The following PRR16 variants were observed in gnomAD, a reference collection of about 807,000 sequenced individuals.
PRR16 encodes proline rich 16, also known as protein Largen.
A neutral mutation model predicts 18.2 loss-of-function variants in PRR16; 6 were observed. That is an observed-to-expected ratio of 0.33 (90% CI 0.18 to 0.65). The LOEUF (loss-of-function observed/expected upper bound fraction) is 0.65, where lower values mean the gene tolerates loss of function less well. PRR16 is among the 30% of genes least tolerant of loss of function. The pLI, the probability that PRR16 is intolerant of heterozygous loss-of-function variation, is 0.74. For synonymous variants in PRR16, 151 were observed against 147.8 expected, an observed-to-expected ratio of 1.02 and a Z score of -0.16; for missense variants, 412 against 376.6, an observed-to-expected ratio of 1.09 and a Z score of -0.78.
the PRR16 span, among the ~76,000 whole-genome samples, chr5:120,702,968 C>T: frequency 2.6e-5 from 4 of 152,190 alleles, no homozygotes; most frequent in South Asian, 2.1e-4. Context: ...ATTTCATGCA[C>T]GTCCGTGTGA....
chr5:120,530,123 T>C (rs1751495250), intron 1 of PRR16, among the ~76,000 whole-genome samples: 1 of 149,180 alleles, frequency 6.7e-6, no homozygotes, highest in South Asian at 2.1e-4. Flanking sequence ...ATGTAAAAAA[T>C]GTTGACCTTG....
At chr5:120,570,382 T>A (rs1001615084) in intron 1 of PRR16, among the ~76,000 whole-genome samples, 16 of 152,046 alleles carry the variant, frequency 1.1e-4, no homozygotes, top group Admixed American at 3.3e-4. Context: ...AAAGAGGGGA[T>A]AAATGGTGAA....
intron 1 of PRR16, among the ~76,000 whole-genome samples, chr5:120,476,832 A>G (rs987178197): frequency 1.3e-5 from 2 of 152,146 alleles, no homozygotes; most frequent in Admixed American, 6.5e-5. Context: ...ATAAAAAAAA[A>G]CTTGGAAGAG....
intron 1 of PRR16, among the ~76,000 whole-genome samples, chr5:120,623,963 T>C (rs1754779070): frequency 6.6e-6 from 1 of 152,034 alleles, no homozygotes; most frequent in Non-Finnish European, 1.5e-5. Flanking sequence ...ACATAACAAC[T>C]GTAGGTTTTT....
the PRR16 span, among the ~76,000 whole-genome samples, chr5:120,762,812 T>C: frequency 0.045 from 6,776 of 152,250 alleles, 517 homozygotes; most frequent in African/African-American, 0.15. Flanking sequence ...TCTGTTTTTG[T>C]TATCTGTGCT....
intron 1 of PRR16, 90 bp from the exon 2 acceptor site, chr5:120,685,864 T>C (rs1210543503): frequency 1.1e-5 from 15 of 1,321,386 alleles, no homozygotes; most frequent in South Asian, 2.8e-5. Flanking sequence ...AAGGCTTCCA[T>C]AGCAGATTTC....
At chr5:120,677,384 G>C (rs1220667357) in intron 1 of PRR16, among the ~76,000 whole-genome samples, 1 of 152,172 alleles carries the variant, frequency 6.6e-6, no homozygotes, top group Non-Finnish European at 1.5e-5. Flanking sequence ...TATTATGCCT[G>C]TGTTGGACAC....
the PRR16 span, among the ~76,000 whole-genome samples, chr5:120,703,658 T>C: frequency 0.23 from 35,502 of 152,238 alleles, 5,063 homozygotes; most frequent in Middle Eastern, 0.43. Context: ...ATTGCTTTTA[T>C]TTAATGTGTT....
chr5:120,571,647 T>C (rs565033871), intron 1 of PRR16, among the ~76,000 whole-genome samples: 8 of 152,274 alleles, frequency 5.3e-5, no homozygotes, highest in Middle Eastern at 6.8e-3. Context: ...TAGAAGGCTT[T>C]AAGTTATCTA....
At chr5:120,565,034 C>T (rs891751881) in intron 1 of PRR16, among the ~76,000 whole-genome samples, 8 of 151,068 alleles carry the variant, frequency 5.3e-5, no homozygotes, top group African/African-American at 1.9e-4. Context: ...TTCCTCACCT[C>T]ATTTTTGGTT....
intron 1 of PRR16, among the ~76,000 whole-genome samples, chr5:120,578,409 C>T (rs2112749186): frequency 6.6e-6 from 1 of 152,144 alleles, no homozygotes; most frequent in South Asian, 2.1e-4. Context: ...ACCTCCACCC[C>T]CGAAAAGGCC....
rs1414368563 is a variant in PRR16 at position 120,667,471 on chromosome 5, T to C, written c.160-18483T>C. On this transcript the variant is annotated intron_variant, in intron 1 of 1. Transcript: ENST00000407149. ...CTATTTCCTTCAGTTCTGCTCTGAT[T>C]TTAGTTATTTCTTGCCTTCTGCTAG... Among the ~76,000 whole-genome samples the C allele has an allele frequency of 4.6e-5, 7 of 151,944 alleles. No homozygotes were observed. In the South Asian group the frequency reaches 1.5e-3, roughly 32 times the overall value.
At chr5:120,507,462 C>G (rs1246877603) in intron 1 of PRR16, among the ~76,000 whole-genome samples, 1 of 152,046 alleles carries the variant, frequency 6.6e-6, no homozygotes, top group Admixed American at 6.6e-5. Context: ...AAATGTGTGA[C>G]TGCATGCAGA....
chr5:120,741,899 C>A, the PRR16 span, among the ~76,000 whole-genome samples: 1 of 152,294 alleles, frequency 6.6e-6, no homozygotes, highest in South Asian at 2.1e-4. Flanking sequence ...CCGCACCAGG[C>A]CTCTGTGGGT....
chr5:120,640,088 A>G (rs1056611485), intron 1 of PRR16, among the ~76,000 whole-genome samples: 4 of 152,216 alleles, frequency 2.6e-5, no homozygotes, highest in African/African-American at 7.2e-5. Context: ...GGAGCTAAGC[A>G]TGTTTACATG....
chr5:120,676,639 G>T (rs1423461525), intron 1 of PRR16, among the ~76,000 whole-genome samples: 1 of 151,988 alleles, frequency 6.6e-6, no homozygotes, highest in Admixed American at 6.6e-5. Context: ...GTTTCAGACA[G>T]CAAAGACAGA....
At chr5:120,547,981 A>G (rs560888575) in intron 1 of PRR16, among the ~76,000 whole-genome samples, 3 of 152,222 alleles carry the variant, frequency 2.0e-5, no homozygotes, top group Non-Finnish European at 4.4e-5. Flanking sequence ...AAACTTTATG[A>G]TGAATAACTA....
the PRR16 span, among the ~76,000 whole-genome samples, chr5:120,697,176 A>G: frequency 6.6e-6 from 1 of 152,162 alleles, no homozygotes; most frequent in African/African-American, 2.4e-5. Flanking sequence ...GATAAGAGGG[A>G]TTTCTGAGAG....
chr5:120,779,833 C>T, the PRR16 span, among the ~76,000 whole-genome samples: 1 of 152,124 alleles, frequency 6.6e-6, no homozygotes, highest in Non-Finnish European at 1.5e-5. Context: ...AGAGATTGGA[C>T]TCAGGGTGTA....
Sources: gnomAD v4.1 joint callset for allele counts (sites outside exome capture counted in the v4.1 genomes callset) on GRCh38, gnomAD v4.1.1 for gene constraint, MANE v1.5 for transcripts, NCBI Gene and HGNC (gene_info 2026-07-23, HGNC 2026-07-21) for gene names.